The following PRTG variants were observed in gnomAD, a reference collection of about 807,000 sequenced individuals.
PRTG encodes protogenin.
PRTG carries 67 observed loss-of-function variants against 122.5 expected under a neutral mutation model. That is an observed-to-expected ratio of 0.55 (90% CI 0.45 to 0.67). The LOEUF (loss-of-function observed/expected upper bound fraction) is 0.67. Among genes scored for constraint, PRTG ranks in the 30% least tolerant of loss-of-function variants. PRTG has a pLI of 0.00. For synonymous variants in PRTG, 554 were observed against 501.1 expected, an observed-to-expected ratio of 1.11 and a Z score of -1.41; for missense variants, 1,435 against 1,415.4, an observed-to-expected ratio of 1.01 and a Z score of -0.22.
At chr15:55,682,836 T>C (rs1388087809) in intron 3 of PRTG, among the ~76,000 whole-genome samples, 2 of 152,136 alleles carry the variant, frequency 1.3e-5, no homozygotes, top group Non-Finnish European at 2.9e-5. Context: ...GTGTTGGAAT[T>C]ACAGGTGTGA....
intron 2 of PRTG, among the ~76,000 whole-genome samples, chr15:55,708,121 C>A (rs151208412): frequency 7.9e-6 from 1 of 127,032 alleles, no homozygotes; most frequent in East Asian, 2.1e-4. Flanking sequence ...AGTCTGTGCA[C>A]GCCTGTGGAA....
intron 1 of PRTG, among the ~76,000 whole-genome samples, chr15:55,740,993 C>A (rs1448320441): frequency 6.6e-6 from 1 of 152,210 alleles, no homozygotes; most frequent in East Asian, 1.9e-4. Context: ...CTCATGAGCA[C>A]AAGCTGTTTG....
chr15:55,637,449 T>A lies in PRTG; in HGVS notation c.2453-109A>T, dbSNP rs549954728. 2.2e-5 allele frequency: 18 copies of A among 829,616 alleles called. No homozygotes were observed. The South Asian group carries it at 5.5e-4, about 25-fold the overall frequency. The allele number at this position is 829,616 out of a possible 1,614,324, so 51.4% of individuals were successfully genotyped here. A position where few individuals can be genotyped will look rare whatever the true frequency, so the allele number is the denominator to read the frequency against. On this transcript the variant is annotated intron_variant, in intron 14 of 19. Coordinates refer to ENST00000389286, the MANE Select transcript of PRTG (RefSeq NM_173814.6). ...AAGTTCAAAAAATTAGAAACCTCCATAAGAAATCACAGCTTTCAAAGATCA... is the reference window on the plus strand; with the variant it reads ...AAGTTCAAAAAATTAGAAACCTCCAAAAGAAATCACAGCTTTCAAAGATCA...
At chr15:55,620,610 A>C in intron 19 of PRTG, 53 bp downstream of exon 19, 1 of 1,540,016 alleles carries the variant, frequency 6.5e-7, no homozygotes, top group South Asian at 1.2e-5. Context: ...TTTTTAAATC[A>C]TCATTTCATA....
intron 15 of PRTG, among the ~76,000 whole-genome samples, chr15:55,630,459 G>A (rs1432809794): frequency 6.6e-6 from 1 of 152,120 alleles, no homozygotes; most frequent in African/African-American, 2.4e-5. Flanking sequence ...GATAAACAGG[G>A]AAGAAAATGC....
intron 2 of PRTG, among the ~76,000 whole-genome samples, chr15:55,708,089 A>G (rs1476772832): frequency 1.4e-5 from 2 of 146,018 alleles, no homozygotes; most frequent in East Asian, 3.9e-4. Context: ...TCCCACAATC[A>G]GCATTTGCTG....
chr15:55,665,575 T>C (rs1241318003), intron 11 of PRTG, among the ~76,000 whole-genome samples: 1 of 151,244 alleles, frequency 6.6e-6, no homozygotes, highest in Non-Finnish European at 1.5e-5. Context: ...AGACAAAGTC[T>C]TGCTCTGTCA....
chr15:55,653,912 C>T (rs2059366683), intron 11 of PRTG, among the ~76,000 whole-genome samples: 1 of 152,132 alleles, frequency 6.6e-6, no homozygotes. Context: ...TTTTAATTGT[C>T]CATCAGGCTT....
At chr15:55,704,040 C>A (rs1273572674) in intron 2 of PRTG, among the ~76,000 whole-genome samples, 6 of 152,200 alleles carry the variant, frequency 3.9e-5, no homozygotes, top group Non-Finnish European at 8.8e-5. Context: ...CATTAACCAG[C>A]TTCAAAGCTG....
intron 2 of PRTG, among the ~76,000 whole-genome samples, chr15:55,702,030 CAT>C (rs1157884140): frequency 7.2e-5 from 11 of 152,072 alleles, no homozygotes; most frequent in Admixed American, 2.6e-4. Context: ...CAACTCTACA[CAT>C]GTGTTAAAAT....
At chr15:55,680,388 C>T in intron 5 of PRTG, 103 bp downstream of exon 5, 2 of 1,316,622 alleles carry the variant, frequency 1.5e-6, no homozygotes, top group Non-Finnish European at 2.0e-6. Context: ...CATTCAACAG[C>T]CAAACCTGTG....
intron 11 of PRTG, among the ~76,000 whole-genome samples, chr15:55,658,072 C>G (rs1294052135): frequency 6.6e-6 from 1 of 152,084 alleles, no homozygotes; most frequent in Non-Finnish European, 1.5e-5. Context: ...ACACTGTGAA[C>G]AATTTCTGTC....
At position 55,622,408 on chromosome 15, in the gene PRTG, C is replaced by T. The variant is rs1198091768; in HGVS notation, c.3094-1641G>A. Among the ~76,000 whole-genome samples the T allele has an allele frequency of 2.2e-5, 3 of 137,012 alleles. No homozygotes were observed. The Admixed American group carries it at 2.3e-4, about 10-fold the overall frequency. The allele number at this position is 137,012 out of a possible 152,430, so 89.9% of individuals were successfully genotyped here. ...AATTTTTTTTTTTTTTTTTTTGAGA[C>T]AGTCTCGCTCTGTCACCCAGGTTGG... On this transcript the variant is annotated intron_variant, in intron 18 of 19. Coordinates refer to ENST00000389286, the MANE Select transcript of PRTG (RefSeq NM_173814.6).
intron 15 of PRTG, among the ~76,000 whole-genome samples, chr15:55,633,026 A>C (rs192482816): frequency 1.6e-3 from 238 of 152,318 alleles, no homozygotes; most frequent in African/African-American, 5.4e-3. Context: ...TGAATCTCTA[A>C]CAAGAGGAAA....
At position 55,637,303 on chromosome 15, in the gene PRTG, T is replaced by C; in HGVS notation, c.2490A>G (p.Leu830=). ...AAACCAGGGCAGTGTCATCCTCTAT[T>C]AATGTCACTTTTACTCCAACTGGTG... The part of the protein sequence containing the change: ...AGPPVGVKVT[L]IEDDTALVSW... Residue 830 remains leucine, a synonymous_variant, in exon 15 of 20, where the codon TTA becomes TTG. Transcript: ENST00000389286. 6.2e-7 allele frequency: 1 copy of C among 1,613,654 alleles called. No individual in the cohort carries two copies.
In PRTG at chr15:55,730,428, T is replaced by C. The variant is rs184833583; in HGVS notation, c.397+9954A>G. ...TTACCATTCTTTTTTATATTCTGGA[T>C]TTGATTATATATATTTGAATACAAA... On this transcript the variant is annotated intron_variant, in intron 2 of 19. Transcript: ENST00000389286. 2.6e-5 allele frequency among the ~76,000 whole-genome samples: 4 copies of C among 152,142 alleles called. No individual in the cohort carries two copies. In the East Asian group the frequency reaches 7.7e-4, roughly 29 times the overall value.
At chr15:55,712,754 T>A (rs1266413075) in intron 2 of PRTG, among the ~76,000 whole-genome samples, 3 of 152,208 alleles carry the variant, frequency 2.0e-5, no homozygotes, top group African/African-American at 7.2e-5. Flanking sequence ...AATTCGTTAT[T>A]TTCAAGATTT....
At chr15:55,665,965 T>G (rs1045100666) in intron 11 of PRTG, among the ~76,000 whole-genome samples, 1 of 152,244 alleles carries the variant, frequency 6.6e-6, no homozygotes, top group Non-Finnish European at 1.5e-5. Context: ...CATAACCACA[T>G]GCATGCATTT....
chr15:55,729,136 T>C (rs948768604), intron 2 of PRTG, among the ~76,000 whole-genome samples: 4 of 152,116 alleles, frequency 2.6e-5, no homozygotes, highest in African/African-American at 9.7e-5. Flanking sequence ...GTCCAACAGA[T>C]GAACGGGTAA....
Sources: allele counts gnomAD v4.1 joint callset (sites outside exome capture counted in the v4.1 genomes callset), GRCh38; gene constraint gnomAD v4.1.1; transcripts MANE v1.5; gene names NCBI Gene and HGNC (gene_info 2026-07-23, HGNC 2026-07-21).